CHN2: variants seen among roughly 807,000 people sequenced by gnomAD.
The protein encoded by CHN2 is beta-chimaerin.
CHN2 carries 35 observed loss-of-function variants against 56.3 expected under a neutral mutation model. The ratio of observed to expected loss-of-function variants is 0.62; its 90% confidence interval spans 0.47 to 0.82. The LOEUF (loss-of-function observed/expected upper bound fraction) is 0.82, where lower values mean the gene tolerates loss of function less well. Among genes scored for constraint, CHN2 ranks in the 40% least tolerant of loss-of-function variants. The probability of loss-of-function intolerance (pLI) is 0.00; values close to 1 mark genes in which losing one functional copy is unlikely to be tolerated. For synonymous variants in CHN2, 210 were observed against 212.8 expected (o/e 0.99, Z 0.12); for missense variants, 491 against 580.5 (o/e 0.85, Z 1.58).
At chr7:29,494,950 T>G (rs866676997) in intron 7 of CHN2, among the ~76,000 whole-genome samples, 7 of 64,656 alleles carry the variant, frequency 1.1e-4, no homozygotes, top group African/African-American at 3.8e-4. Context: ...AAGCAGTTTG[T>G]AAAAAAAAAA....
At chr7:29,300,800 T>G (rs2128877456) in intron 1 of CHN2, among the ~76,000 whole-genome samples, 1 of 152,348 alleles carries the variant, frequency 6.6e-6, no homozygotes, top group African/African-American at 2.4e-5. Context: ...ATGCCTAGTC[T>G]TCACCCCCAT....
At chr7:29,433,635 G>A (rs1444050652) in intron 6 of CHN2, among the ~76,000 whole-genome samples, 3 of 152,032 alleles carry the variant, frequency 2.0e-5, no homozygotes, top group African/African-American at 4.8e-5. Context: ...TCAGGAGTTC[G>A]AGACCAGCCT....
chr7:29,504,345 G>A (rs1463867916), intron 9 of CHN2, among the ~76,000 whole-genome samples: 3 of 152,072 alleles, frequency 2.0e-5, no homozygotes, highest in Non-Finnish European at 4.4e-5. Context: ...TACACCTACT[G>A]TGTACCCACA....
intron 6 of CHN2, among the ~76,000 whole-genome samples, chr7:29,455,833 T>C (rs1439617897): frequency 6.6e-6 from 1 of 152,202 alleles, no homozygotes; most frequent in Non-Finnish European, 1.5e-5. Context: ...TGGGCTCCTC[T>C]GGCCGTGTGG....
At chr7:29,305,492 A>G (rs1794066477) in intron 1 of CHN2, among the ~76,000 whole-genome samples, 1 of 151,962 alleles carries the variant, frequency 6.6e-6, no homozygotes, top group African/African-American at 2.4e-5. Flanking sequence ...ATCGTTATTT[A>G]TTACAAAGCT....
intron 1 of CHN2, chr7:29,212,248 C>G (rs967269475): frequency 1.4e-5 from 12 of 845,096 alleles, no homozygotes; most frequent in Non-Finnish European, 2.3e-5. Context: ...GCTGCCTTAA[C>G]CTTTTTTCCA....
chr7:29,317,209 T>G (rs1795015208), intron 1 of CHN2, among the ~76,000 whole-genome samples: 1 of 152,158 alleles, frequency 6.6e-6, no homozygotes, highest in Non-Finnish European at 1.5e-5. Context: ...AAGCAGCAAA[T>G]AGTCCGAGGC....
chr7:29,367,883 GTATTC>G, intron 2 of CHN2, 44 bp from the exon 3 acceptor site: 3 of 1,518,994 alleles, frequency 2.0e-6, no homozygotes, highest in Non-Finnish European at 2.7e-6. Context: ...ATGTGTTGCA[GTATTC>G]TAATTCTAAT....
chr7:29,311,084 A>G (rs1447480194), intron 1 of CHN2, among the ~76,000 whole-genome samples: 2 of 152,182 alleles, frequency 1.3e-5, no homozygotes, highest in African/African-American at 4.8e-5. Flanking sequence ...TTCCTACTGC[A>G]CACTTAATAA....
intron 1 of CHN2, among the ~76,000 whole-genome samples, chr7:29,235,619 A>G (rs1584818293): frequency 6.6e-6 from 1 of 152,374 alleles, no homozygotes; most frequent in Admixed American, 6.5e-5. Flanking sequence ...CACAATAGCA[A>G]AGACATGGAA....
At chr7:29,442,652 A>G (rs796208288) in intron 6 of CHN2, among the ~76,000 whole-genome samples, 79 of 152,288 alleles carry the variant, frequency 5.2e-4, no homozygotes, top group African/African-American at 1.8e-3. Flanking sequence ...GATTTCTGCC[A>G]TTAAACTATT....
chr7:29,297,702 G>GT (rs1470493822), intron 1 of CHN2, among the ~76,000 whole-genome samples: 1 of 151,942 alleles, frequency 6.6e-6, no homozygotes, highest in Non-Finnish European at 1.5e-5. Context: ...GGGCTTCTGG[G>GT]TTCCCTCCCC....
chr7:29,173,567 T>C (rs950460663), intron 2 of CHN2, among the ~76,000 whole-genome samples: 1 of 151,962 alleles, frequency 6.6e-6, no homozygotes, highest in Non-Finnish European at 1.5e-5. Flanking sequence ...CTTCAAAGGA[T>C]AAAAAGCATC....
chr7:29,361,579 C>T (rs1029414523), intron 2 of CHN2, among the ~76,000 whole-genome samples: 5 of 152,164 alleles, frequency 3.3e-5, no homozygotes, highest in African/African-American at 1.2e-4. Flanking sequence ...CTGGGGTTTG[C>T]CTTCCCCTTC....
At chr7:29,251,180 A>G (rs1788483354) in intron 1 of CHN2, among the ~76,000 whole-genome samples, 1 of 152,248 alleles carries the variant, frequency 6.6e-6, no homozygotes, top group African/African-American at 2.4e-5. Flanking sequence ...CAGACCAGGC[A>G]TGTGGCTCAG....
chr7:29,437,465 G>A (rs1237884548), intron 6 of CHN2, among the ~76,000 whole-genome samples: 1 of 132,122 alleles, frequency 7.6e-6, no homozygotes, highest in Non-Finnish European at 1.6e-5. Flanking sequence ...GGGCGTGGTG[G>A]CGGGCGCCTG....
chr7:29,279,441 CA>C (rs1345706740), intron 1 of CHN2, among the ~76,000 whole-genome samples: 9 of 152,244 alleles, frequency 5.9e-5, no homozygotes, highest in Admixed American at 4.6e-4. Flanking sequence ...CATTGGAATG[CA>C]TTTGTTCAAC....
chr7:29,288,686 T>C (rs997115393), intron 1 of CHN2, among the ~76,000 whole-genome samples: 3 of 152,186 alleles, frequency 2.0e-5, no homozygotes, highest in East Asian at 1.9e-4. Context: ...GGAACCAGAA[T>C]TGAAAACAAA....
intron 9 of CHN2, among the ~76,000 whole-genome samples, chr7:29,503,750 G>A (rs1230313577): frequency 6.6e-6 from 1 of 152,200 alleles, no homozygotes; most frequent in East Asian, 1.9e-4. Context: ...TGAAAAAACA[G>A]GAGAATATGT....
Sources: gnomAD v4.1 joint callset for allele counts (sites outside exome capture counted in the v4.1 genomes callset) on GRCh38, gnomAD v4.1.1 for gene constraint, MANE v1.5 for transcripts, NCBI Gene and HGNC (gene_info 2026-07-23, HGNC 2026-07-21) for gene names.